MYF6: variants seen among roughly 807,000 people sequenced by gnomAD.
The protein encoded by MYF6 is class C basic helix-loop-helix protein 4.
MYF6 carries 20 observed loss-of-function variants against 21.7 expected under a neutral mutation model. That is an observed-to-expected ratio of 0.92 (90% CI 0.65 to 1.34). MYF6 has a LOEUF of 1.34. Ranked by LOEUF, MYF6 falls within the 40% of genes most tolerant of loss-of-function variation. MYF6 has a pLI of 0.00. For synonymous variants in MYF6, 124 were observed against 124.7 expected, an observed-to-expected ratio of 0.99 and a Z score of 0.04; for missense variants, 320 against 304.1, an observed-to-expected ratio of 1.05 and a Z score of -0.39.
Position 80,708,592 on chromosome 12 carries a change from G to A in MYF6, c.588G>A (p.Gly196=), listed in dbSNP as rs1868414552. The change falls in exon 2 of 3, where the codon GGG becomes GGA. Residue 196 remains glycine (G), a synonymous_variant. Coordinates refer to ENST00000228641, the MANE Select transcript of MYF6 (RefSeq NM_002469.3). The part of the protein sequence containing the change: ...QWPSVSDHSR[G]LVITAKEGGA... ...CAAGTGTTTCCGATCATTCCAGGGG[G>A]CTCGTGATAACGGCTAAGGAAGGTA... 6 of 1,614,066 alleles carry A rather than the reference G, an allele frequency of 3.7e-6. No homozygotes were observed. The highest frequency in any genetic ancestry group is 3.3e-5 in the South Asian group (3 of 91,088).
At chr12:80,708,470 C>CA in intron 1 of MYF6, 54 bp from the exon 2 acceptor site, 1 of 926,896 alleles carries the variant, frequency 1.1e-6, no homozygotes, top group Non-Finnish European at 1.7e-6. Flanking sequence ...CCCACCCCAA[C>CA]CCCGGAACCG....
intron 2 of MYF6, 106 bp downstream of exon 2, chr12:80,708,720 G>A (rs1284206874): frequency 1.3e-6 from 2 of 1,524,228 alleles, no homozygotes; most frequent in Non-Finnish European, 1.8e-6. Flanking sequence ...CCTGCGAAAA[G>A]GGCGCTCTTT....
chr12:80,708,828 G>A lies in MYF6; in HGVS notation c.611-14G>A. Reference sequence around the variant, plus strand: ...TCTTTGGGTGCTATGTTTGTGTGTTGTTTTTTCGCTCAGGAGGAGCAAGTA... The same window carrying A: ...TCTTTGGGTGCTATGTTTGTGTGTTATTTTTTCGCTCAGGAGGAGCAAGTA... On this transcript the variant is annotated splice_polypyrimidine_tract_variant and intron_variant, in intron 2 of 2. Coordinates refer to ENST00000228641, the MANE Select transcript of MYF6 (RefSeq NM_002469.3). 1 of 1,610,110 alleles carries A rather than the reference G, an allele frequency of 6.2e-7. No homozygotes were observed. Among genetic ancestry groups the A allele is most frequent in the Non-Finnish European group, 8.5e-7 (1 of 1,176,254 alleles).
chr12:80,708,396 C>G (rs1203170383), intron 1 of MYF6, 128 bp from the exon 2 acceptor site: 2 of 1,396,188 alleles, frequency 1.4e-6, no homozygotes, highest in Admixed American at 1.8e-5. Context: ...CCAAGAAGAC[C>G]GGGTGCTTGC....
chr12:80,708,422 C>T, intron 1 of MYF6, 102 bp from the exon 2 acceptor site: 1 of 1,411,306 alleles, frequency 7.1e-7, no homozygotes, highest in African/African-American at 1.4e-5. Flanking sequence ...GCAGGAAATG[C>T]GTACCCGGCC....
Position 80,708,577 on chromosome 12 carries a change from C to T in MYF6, c.573C>T (p.Ser191=), listed in dbSNP as rs1868413293. The change falls in exon 2 of 3, where the codon TCC becomes TCT. Residue 191 remains serine, a synonymous_variant. Transcript: ENST00000228641. ...GCAGCTCCCAGTGGCCAAGTGTTTC[C>T]GATCATTCCAGGGGGCTCGTGATAA... ...RTCSSQWPSV[S]DHSRGLVITA... 2 of 1,614,144 alleles carry T rather than the reference C, an allele frequency of 1.2e-6. No homozygotes were observed. Among genetic ancestry groups the T allele is most frequent in the South Asian group, 2.2e-5 (2 of 91,072 alleles).
Position 80,708,604 on chromosome 12 carries a change from G to C in MYF6, c.600G>C (p.Thr200=). The change falls in exon 2 of 3, where the codon ACG becomes ACC. Residue 200 remains threonine (T), a synonymous_variant. Transcript: ENST00000228641. ...VSDHSRGLVI[T]AKEGGASIDS... Reference sequence around the variant, plus strand: ...ATCATTCCAGGGGGCTCGTGATAACGGCTAAGGAAGGTAAAGTAAAAGGGC... The same window carrying C: ...ATCATTCCAGGGGGCTCGTGATAACCGCTAAGGAAGGTAAAGTAAAAGGGC... The C allele has an allele frequency of 6.2e-7, 1 of 1,614,136 alleles. No homozygotes were observed. The highest frequency in any genetic ancestry group is 8.5e-7 in the Non-Finnish European group (1 of 1,179,972).
At position 80,707,897 on chromosome 12, in the gene MYF6, G is replaced by A. The variant is rs1215292338; in HGVS notation, c.178G>A (p.Glu60Lys). Residue 60 changes from glutamate (E) to lysine (K), a missense_variant, in exon 1 of 3, where the codon GAA (glutamate) becomes AAA (lysine). By Grantham distance (56) the Glu-to-Lys change is moderately conservative (BLOSUM62 1). Transcript: ENST00000228641. ...AGCGGGGAGCGACAGCAGCGGAGAG[G>A]AACATGTCCTGGCGCCCCCGGGCCT... ...PEAGSDSSGE[E>K]HVLAPPGLQP... is the part of the protein sequence containing the mutation. 6.2e-7 allele frequency: 1 copy of A among 1,614,146 alleles called. No individual in the cohort carries two copies. The highest frequency in any genetic ancestry group is 8.5e-7 in the Non-Finnish European group (1 of 1,180,026).
rs747344790 is a variant in MYF6, at chr12:80,707,711, G to A, written c.-9G>A. ...AGTTCAGATCGAGTCAGAGGCCAAG[G>A]AGGAGAACATGATGATGGACCTTTT... On this transcript the variant is annotated 5_prime_UTR_variant, in exon 1 of 3. Transcript: ENST00000228641. 8 of 1,614,164 alleles carry A rather than the reference G, an allele frequency of 5.0e-6. No homozygotes were observed. Among genetic ancestry groups the A allele is most frequent in the South Asian group, 1.1e-5 (1 of 91,064 alleles).
intron 2 of MYF6, 106 bp from the exon 3 acceptor site, chr12:80,708,736 C>T: frequency 6.6e-7 from 1 of 1,518,730 alleles, no homozygotes; most frequent in African/African-American, 1.4e-5. Context: ...TCTTTGCGCG[C>T]CGGGACCAGG....
In MYF6 at chr12:80,708,893, C is replaced by G. The variant is rs1255848665; in HGVS notation, c.662C>G (p.Ser221Cys). The G allele has an allele frequency of 1.9e-6, 3 of 1,614,114 alleles. No individual in the cohort carries two copies. In the African/African-American group the frequency reaches 4.0e-5, roughly 22 times the overall value. ...SASSSLRCLS[S>C]IVDSISSEER... ...TCGAGTAGCCTTCGATGCCTTTCTT[C>G]CATCGTGGACAGTATTTCCTCGGAG... is the stretch of plus-strand genomic sequence containing the variant. Residue 221 changes from serine (S) to cysteine (C), a missense_variant, in exon 3 of 3, where the codon TCC (serine) becomes TGC (cysteine). Physicochemically the swap from Ser to Cys is moderately radical, Grantham distance 112 (BLOSUM62 -1). Transcript: ENST00000228641.
rs762154834 is a variant in MYF6 at position 80,708,250 on chromosome 12, T to C, written c.519+12T>C. The C allele has an allele frequency of 1.2e-6, 2 of 1,606,188 alleles. No homozygotes were observed. The highest frequency in any genetic ancestry group is 2.2e-5 in the South Asian group (2 of 90,730). ...CCAAACAAGAAAATGTAAGCCTAGATGCTGCCGGGGCAGGGAAATGCGAAG... is the reference window on the plus strand; with the variant it reads ...CCAAACAAGAAAATGTAAGCCTAGACGCTGCCGGGGCAGGGAAATGCGAAG... On this transcript the variant is annotated intron_variant, in intron 1 of 2. Transcript: ENST00000228641.
In MYF6 at chr12:80,708,127, C is replaced by T; in HGVS notation, c.408C>T (p.Ser136=). ...QRLPKVEILR[S]AISYIERLQD... ...TGCCCAAGGTGGAGATTCTGCGGAGCGCCATCAGCTATATTGAGCGGCTGC... is the reference window on the plus strand; with the variant it reads ...TGCCCAAGGTGGAGATTCTGCGGAGTGCCATCAGCTATATTGAGCGGCTGC... The change falls in exon 1 of 3, where the codon AGC becomes AGT. Residue 136 remains serine, a synonymous_variant. Coordinates refer to ENST00000228641, the MANE Select transcript of MYF6 (RefSeq NM_002469.3). 2 of 1,614,172 alleles carry T rather than the reference C, an allele frequency of 1.2e-6. No individual in the cohort carries two copies. Among genetic ancestry groups the T allele is most frequent in the Non-Finnish European group, 1.7e-6 (2 of 1,180,036 alleles).
At chr12:80,708,414 A>T (rs1868407094) in intron 1 of MYF6, 110 bp from the exon 2 acceptor site, 1 of 1,401,858 alleles carries the variant, frequency 7.1e-7, no homozygotes, top group African/African-American at 1.4e-5. Context: ...TGCAATAGGC[A>T]GGAAATGCGT....
Position 80,708,824 on chromosome 12 carries a change from TGTTGTTTTTTCGCTCA to T in MYF6, c.611-16_611-1del. 1 of 1,603,566 alleles carries T rather than the reference TGTTGTTTTTTCGCTCA, an allele frequency of 6.2e-7. No homozygotes were observed. The highest frequency in any genetic ancestry group is 8.5e-7 in the Non-Finnish European group (1 of 1,170,360). ...TCCTTCTTTGGGTGCTATGTTTGTG[TGTTGTTTTTTCGCTCA>T]GGAGGAGCAAGTATTGATTCGTCAG... On this transcript the variant is annotated splice_acceptor_variant and splice_polypyrimidine_tract_variant and intron_variant, in intron 2 of 2. Coordinates refer to ENST00000228641, the MANE Select transcript of MYF6 (RefSeq NM_002469.3). LOFTEE classifies it high-confidence loss of function.
At position 80,707,640 on chromosome 12, in the gene MYF6, T is replaced by G; in HGVS notation, c.-80T>G. Reference sequence around the variant, plus strand: ...GGTCGACTTATGTCACTGCACTAATTAAATGCCATCTGGGTGGTTCCTCTG... The same window carrying G: ...GGTCGACTTATGTCACTGCACTAATGAAATGCCATCTGGGTGGTTCCTCTG... On this transcript the variant is annotated 5_prime_UTR_variant, in exon 1 of 3. In the 5' UTR this introduces an upstream ATG that the reference lacks. Transcript: ENST00000228641. The G allele has an allele frequency of 6.5e-7, 1 of 1,547,826 alleles. No individual in the cohort carries two copies. Among genetic ancestry groups the G allele is most frequent in the Non-Finnish European group, 8.9e-7 (1 of 1,121,574 alleles).
chr12:80,707,657 G>T lies in MYF6; in HGVS notation c.-63G>T. ...GCACTAATTAAATGCCATCTGGGTGGTTCCTCTGGGTTTTTGAGTCCATCA... is the reference window on the plus strand; with the variant it reads ...GCACTAATTAAATGCCATCTGGGTGTTTCCTCTGGGTTTTTGAGTCCATCA... On this transcript the variant is annotated 5_prime_UTR_variant, in exon 1 of 3. Transcript: ENST00000228641. 6.3e-7 allele frequency: 1 copy of T among 1,595,370 alleles called. No individual in the cohort carries two copies. The highest frequency in any genetic ancestry group is 8.6e-7 in the Non-Finnish European group (1 of 1,163,510).
At chr12:80,708,778 G>A (rs1592802407) in intron 2 of MYF6, 64 bp from the exon 3 acceptor site, 1 of 1,568,720 alleles carries the variant, frequency 6.4e-7, no homozygotes, top group East Asian at 2.2e-5. Flanking sequence ...GCCTCGCGCG[G>A]GGCGCGGAGC....
At chr12:80,708,362 C>A (rs111644904) in intron 1 of MYF6, 124 bp downstream of exon 1, 15 of 1,433,608 alleles carry the variant, frequency 1.0e-5, no homozygotes, top group African/African-American at 5.6e-5. Flanking sequence ...CCTCCCGCTC[C>A]GTCTCTAATG....
Sources: allele counts gnomAD v4.1 joint callset, GRCh38; gene constraint gnomAD v4.1.1; transcripts MANE v1.5; gene names NCBI Gene and HGNC (gene_info 2026-07-23, HGNC 2026-07-21).